Variants in RIMS2 observed in about 807,000 individuals in gnomAD.
RIMS2 encodes regulating synaptic membrane exocytosis 2, also known as regulating synaptic membrane exocytosis protein 2.
A neutral mutation model predicts 174.4 loss-of-function variants in RIMS2; 59 were observed. That is an observed-to-expected ratio of 0.34 (90% confidence interval 0.27 to 0.42). The LOEUF is 0.42. RIMS2 is among the 10% of genes least tolerant of loss of function. The probability of loss-of-function intolerance (pLI) is 1.00; values close to 1 mark genes in which losing one functional copy is unlikely to be tolerated. For missense variants in RIMS2, 1,620 were observed against 1,666.3 expected (o/e 0.97, Z 0.48); for synonymous variants, 606 against 572.5 (o/e 1.06, Z -0.84).
intron 1 of RIMS2, chr8:103,568,920 G>T: frequency 1.1e-6 from 1 of 946,174 alleles, no homozygotes; most frequent in Non-Finnish European, 1.7e-6. Context: ...CACATCAGTG[G>T]CATTGCAAAA....
At chr8:103,815,910 A>G (rs1252493167) in intron 3 of RIMS2, among the ~76,000 whole-genome samples, 1 of 152,194 alleles carries the variant, frequency 6.6e-6, no homozygotes, top group African/African-American at 2.4e-5. Flanking sequence ...CTTATTTTAC[A>G]TTTGGTAAAA....
chr8:103,617,435 C>T (rs1350325972), intron 1 of RIMS2, among the ~76,000 whole-genome samples: 1 of 152,158 alleles, frequency 6.6e-6, no homozygotes, highest in Non-Finnish European at 1.5e-5. Context: ...CAATACCATT[C>T]TGGACACAGG....
chr8:104,096,621 G>A (rs1359481524), intron 19 of RIMS2, among the ~76,000 whole-genome samples: 1 of 152,136 alleles, frequency 6.6e-6, no homozygotes, highest in Non-Finnish European at 1.5e-5. Context: ...TGTAATCCCA[G>A]CACTTTGGGA....
At chr8:103,647,069 C>G (rs570659873) in intron 1 of RIMS2, among the ~76,000 whole-genome samples, 25 of 152,244 alleles carry the variant, frequency 1.6e-4, no homozygotes, top group African/African-American at 6.0e-4. Flanking sequence ...AAGGCCTGTT[C>G]TGCATCTAAT....
chr8:103,546,784 C>G (rs1268540081), intron 1 of RIMS2, among the ~76,000 whole-genome samples: 3 of 152,164 alleles, frequency 2.0e-5, no homozygotes, highest in Non-Finnish European at 4.4e-5. Context: ...GGCTGTTCTC[C>G]CTGAGTCCCT....
At chr8:104,161,294 T>C (rs1448931576) in intron 19 of RIMS2, among the ~76,000 whole-genome samples, 1 of 152,170 alleles carries the variant, frequency 6.6e-6, no homozygotes, top group East Asian at 1.9e-4. Context: ...ATTGTGAAGA[T>C]GCTGAGAATA....
chr8:104,139,836 T>C (rs551622118), intron 19 of RIMS2, among the ~76,000 whole-genome samples: 1 of 152,286 alleles, frequency 6.6e-6, no homozygotes, highest in East Asian at 1.9e-4. Context: ...CTTTGCCATG[T>C]TTCAGATCTT....
intron 19 of RIMS2, among the ~76,000 whole-genome samples, chr8:104,153,375 T>C (rs1046757795): frequency 4.6e-5 from 7 of 152,276 alleles, no homozygotes; most frequent in Non-Finnish European, 8.8e-5. Flanking sequence ...ATCTGACTGA[T>C]GGAATTGACA....
chr8:104,236,933 G>A (rs1300916943), intron 19 of RIMS2, among the ~76,000 whole-genome samples: 3 of 152,086 alleles, frequency 2.0e-5, no homozygotes, highest in Non-Finnish European at 2.9e-5. Context: ...CCATACCTAT[G>A]TAAGATGTTA....
chr8:103,748,651 C>A (rs189657328), intron 2 of RIMS2, among the ~76,000 whole-genome samples: 12 of 152,228 alleles, frequency 7.9e-5, no homozygotes, highest in African/African-American at 2.9e-4. Context: ...ATCTTCGGTT[C>A]TCTTCAATTT....
intron 14 of RIMS2, among the ~76,000 whole-genome samples, chr8:103,957,221 A>G (rs991741473): frequency 2.6e-5 from 4 of 152,174 alleles, no homozygotes; most frequent in Non-Finnish European, 4.4e-5. Flanking sequence ...AACTAGAAAT[A>G]CCACTTGACC....
intron 1 of RIMS2, among the ~76,000 whole-genome samples, chr8:103,654,619 T>G (rs1442026316): frequency 6.6e-6 from 1 of 151,996 alleles, no homozygotes; most frequent in Admixed American, 6.6e-5. Context: ...TTTATCTTTC[T>G]GAACCACAGA....
Position 103,961,129 on chromosome 8 carries a change from A to G in RIMS2, c.2766A>G (p.Val922=), listed in dbSNP as rs759027422. ...ACTGTGATGATGGAATTGGTGTAGT[A>G]TCAGGTAAGAATTTTAGAATTATTT... Residue 922 remains valine, a synonymous_variant, in exon 15 of 24, where the codon GTA becomes GTG. Coordinates refer to ENST00000504942, the Ensembl canonical transcript of RIMS2. 2.0e-5 allele frequency: 27 copies of G among 1,372,276 alleles called. No homozygotes were observed. In the South Asian group the frequency reaches 2.7e-4, roughly 14 times the overall value. 85.0% of individuals were successfully genotyped at this position (1,372,276 alleles called of 1,614,324 possible).
intron 19 of RIMS2, among the ~76,000 whole-genome samples, chr8:104,037,467 A>G (rs1231136570): frequency 2.6e-5 from 4 of 152,194 alleles, no homozygotes; most frequent in East Asian, 1.9e-4. Context: ...TAACAGTACC[A>G]AGTGTATGCC....
At chr8:104,091,898 G>A (rs1206506735) in intron 19 of RIMS2, among the ~76,000 whole-genome samples, 1 of 151,596 alleles carries the variant, frequency 6.6e-6, no homozygotes, top group Non-Finnish European at 1.5e-5. Context: ...GGAAAAGGCA[G>A]CAATTTTTAG....
chr8:103,727,607 A>G (rs2097540892), intron 2 of RIMS2, among the ~76,000 whole-genome samples: 1 of 152,122 alleles, frequency 6.6e-6, no homozygotes, highest in African/African-American at 2.4e-5. Context: ...GGTGCTGGAT[A>G]TAAGTCTTTT....
At chr8:103,756,641 G>A (rs1442500576) in intron 2 of RIMS2, among the ~76,000 whole-genome samples, 1 of 151,834 alleles carries the variant, frequency 6.6e-6, no homozygotes, top group African/African-American at 2.4e-5. Context: ...GCCCAGGCTG[G>A]TCTCGAACTC....
intron 3 of RIMS2, among the ~76,000 whole-genome samples, chr8:103,839,714 T>C (rs567933597): frequency 6.6e-6 from 1 of 152,348 alleles, no homozygotes; most frequent in African/African-American, 2.4e-5. Context: ...AGAGCAGAAC[T>C]TCTATTCCTA....
chr8:103,543,553 A>G (rs1388457086), intron 1 of RIMS2, among the ~76,000 whole-genome samples: 2 of 152,194 alleles, frequency 1.3e-5, no homozygotes, highest in Non-Finnish European at 2.9e-5. Flanking sequence ...GCAAAAGCAG[A>G]TTTGAGCAAA....
Sources: gnomAD v4.1 joint callset for allele counts (sites outside exome capture counted in the v4.1 genomes callset) on GRCh38, gnomAD v4.1.1 for gene constraint, MANE v1.5 for transcripts, NCBI Gene and HGNC (gene_info 2026-07-23, HGNC 2026-07-21) for gene names.